The following TTC8 variants were observed in gnomAD, a reference collection of about 807,000 sequenced individuals.
The protein encoded by TTC8 is tetratricopeptide repeat protein 8.
In TTC8, 47 loss-of-function variants were observed where a neutral mutation model predicts 72.5. The ratio of observed to expected loss-of-function variants is 0.65; its 90% CI spans 0.51 to 0.83. TTC8 has a LOEUF of 0.83. TTC8 is among the 40% of genes least tolerant of loss of function. The probability of loss-of-function intolerance (pLI) is 0.00; values close to 1 mark genes in which losing one functional copy is unlikely to be tolerated. For synonymous variants in TTC8, 199 were observed against 221.4 expected (o/e 0.90, Z 0.90); for missense variants, 611 against 623.2 (o/e 0.98, Z 0.21).
At chr14:88,831,000 G>A in intron 1 of TTC8, 1 of 441,062 alleles carries the variant, frequency 2.3e-6, no homozygotes, top group South Asian at 1.6e-5. Flanking sequence ...TGGGCCCAGA[G>A]TGTCTAGGTT....
intron 7 of TTC8, chr14:88,846,878 C>G (rs921362464): frequency 5.6e-6 from 2 of 358,566 alleles, no homozygotes; most frequent in Non-Finnish European, 1.0e-5. Context: ...GAAATCTTAT[C>G]GAGACCCTAA....
intron 7 of TTC8, among the ~76,000 whole-genome samples, chr14:88,844,957 G>A (rs1304090582): frequency 2.0e-5 from 3 of 152,014 alleles, no homozygotes; most frequent in Non-Finnish European, 4.4e-5. Flanking sequence ...TCTAGCTGAA[G>A]AAATAAAATG....
At chr14:88,838,005 C>G (rs912698090) in intron 2 of TTC8, among the ~76,000 whole-genome samples, 1 of 152,080 alleles carries the variant, frequency 6.6e-6, no homozygotes, top group Non-Finnish European at 1.5e-5. Context: ...ATCCAGTAAA[C>G]CTCAACCAGA....
rs2094938342 is a variant in TTC8 at position 88,872,417 on chromosome 14, G to A, written c.1312G>A (p.Ala438Thr). ...CCACGCCGAGGCCTACAACAACCTG[G>A]CTGTGCTGGAGATGCGGAAGGGCCA... is the stretch of plus-strand genomic sequence containing the variant. ...NNHAEAYNNL[A>T]VLEMRKGHVE... The change falls in exon 13 of 15, where the codon GCT becomes ACT. Residue 438 changes from alanine (A) to threonine (T), a missense_variant. By Grantham distance (58) the Ala-to-Thr change is moderately conservative. Transcript: ENST00000380656. 6.2e-7 allele frequency: 1 copy of A among 1,614,038 alleles called. No individual in the cohort carries two copies.
chr14:88,847,537 GA>G (rs2094812938), intron 7 of TTC8, among the ~76,000 whole-genome samples: 1 of 152,096 alleles, frequency 6.6e-6, no homozygotes, highest in East Asian at 1.9e-4. Context: ...CAAAATCGTT[GA>G]CTCTTTTATC....
chr14:88,861,536 A>G (rs980993278), intron 10 of TTC8, among the ~76,000 whole-genome samples: 2 of 152,198 alleles, frequency 1.3e-5, no homozygotes, highest in African/African-American at 4.8e-5. Context: ...TATACAATAA[A>G]TTATTGTTAA....
chr14:88,873,956 A>G (rs1039044132), intron 13 of TTC8, among the ~76,000 whole-genome samples: 2 of 152,202 alleles, frequency 1.3e-5, no homozygotes, highest in African/African-American at 4.8e-5. Context: ...AAGAAAGGTC[A>G]TTGGATGTTA....
At chr14:88,860,210 A>T (rs992209453) in intron 9 of TTC8, among the ~76,000 whole-genome samples, 1 of 151,830 alleles carries the variant, frequency 6.6e-6, no homozygotes. Flanking sequence ...TCTCATCTCA[A>T]ACTTTAATGA....
rs774856265 is a variant in TTC8, at chr14:88,872,459, G to A, written c.1347+7G>A. 1.9e-6 allele frequency: 3 copies of A among 1,613,508 alleles called. 1 individual carries two copies. The highest frequency in any genetic ancestry group is 2.2e-5 in the East Asian group (1 of 44,864). ...GAAGGGCCACGTTGAACAGGTCAGT[G>A]AACTGGCAGCGGCATGCTGGGCAGT... On this transcript the variant is annotated splice_region_variant and intron_variant, in intron 13 of 14. Coordinates refer to ENST00000380656, the MANE Select transcript of TTC8 (RefSeq NM_144596.4).
At chr14:88,839,425 T>C (rs755998905) in intron 2 of TTC8, 27 bp from the exon 3 acceptor site, 11 of 1,610,360 alleles carry the variant, frequency 6.8e-6, no homozygotes, top group Admixed American at 1.7e-5. Flanking sequence ...TATTTTAATA[T>C]ATGTTTTATT....
At chr14:88,844,687 G>A (rs1322546102) in intron 7 of TTC8, among the ~76,000 whole-genome samples, 1 of 151,792 alleles carries the variant, frequency 6.6e-6, no homozygotes, top group East Asian at 1.9e-4. Flanking sequence ...TGGGACTATA[G>A]GCGTGTGCCA....
At chr14:88,828,961 A>G (rs895246482) in intron 1 of TTC8, among the ~76,000 whole-genome samples, 7 of 152,206 alleles carry the variant, frequency 4.6e-5, no homozygotes, top group African/African-American at 1.7e-4. Context: ...GTACTATGCA[A>G]CAGCATGTTT....
At chr14:88,872,210 C>G in intron 12 of TTC8, 120 bp from the exon 13 acceptor site, 1 of 1,377,936 alleles carries the variant, frequency 7.3e-7, no homozygotes, top group Non-Finnish European at 1.0e-6. Flanking sequence ...TTCACATTGA[C>G]TTCTATAATT....
chr14:88,825,539 T>C (rs2094695468), intron 1 of TTC8, among the ~76,000 whole-genome samples: 1 of 152,230 alleles, frequency 6.6e-6, no homozygotes, highest in Non-Finnish European at 1.5e-5. Context: ...GTATACAATG[T>C]ACGTGAGCGG....
At chr14:88,842,547 G>C (rs1472838227) in intron 6 of TTC8, among the ~76,000 whole-genome samples, 1 of 152,058 alleles carries the variant, frequency 6.6e-6, no homozygotes, top group African/African-American at 2.4e-5. Flanking sequence ...TGGAATATCT[G>C]GTTCCCTACC....
chr14:88,851,801 T>A (rs2094835185), intron 7 of TTC8, among the ~76,000 whole-genome samples: 1 of 152,098 alleles, frequency 6.6e-6, no homozygotes, highest in Non-Finnish European at 1.5e-5. Context: ...TTCAAGTCCA[T>A]TAGAGGCTCA....
intron 9 of TTC8, among the ~76,000 whole-genome samples, chr14:88,858,922 A>C (rs1211908110): frequency 6.6e-6 from 1 of 151,986 alleles, no homozygotes; most frequent in Non-Finnish European, 1.5e-5. Flanking sequence ...GTCTTAAAGA[A>C]GTTTCTGTGC....
upstream of TTC8, chr14:88,824,558 T>G (rs1315160489): frequency 3.2e-6 from 2 of 620,478 alleles, no homozygotes; most frequent in Admixed American, 5.7e-5. Context: ...GTTGTTTTTC[T>G]TTTTCCTGTT....
At chr14:88,834,549 A>G (rs1437899419) in intron 2 of TTC8, among the ~76,000 whole-genome samples, 1 of 152,176 alleles carries the variant, frequency 6.6e-6, no homozygotes, top group Admixed American at 6.5e-5. Flanking sequence ...ATAAAAAGCA[A>G]TTTACAAAGT....
Sources: gnomAD v4.1 joint callset for allele counts (sites outside exome capture counted in the v4.1 genomes callset) on GRCh38, gnomAD v4.1.1 for gene constraint, MANE v1.5 for transcripts, NCBI Gene and HGNC (gene_info 2026-07-23, HGNC 2026-07-21) for gene names.